TUT4: variants seen among roughly 807,000 people sequenced by gnomAD.
The protein encoded by TUT4 is terminal uridylyl transferase 4.
In TUT4, 36 loss-of-function variants were observed where a neutral mutation model predicts 192.2. The observed-to-expected ratio is 0.19, with a 90% CI of 0.14 to 0.25. TUT4 has a LOEUF of 0.25. TUT4 is among the 10% of genes least tolerant of loss of function. TUT4 has a pLI of 1.00. For synonymous variants in TUT4, 618 were observed against 666.0 expected (o/e 0.93, Z 1.11); for missense variants, 1,493 against 1,957.2 (o/e 0.76, Z 4.47).
intron 4 of TUT4, among the ~76,000 whole-genome samples, chr1:52,500,109 T>C (rs1673683785): frequency 6.7e-6 from 1 of 150,316 alleles, no homozygotes; most frequent in South Asian, 2.1e-4. Flanking sequence ...GCAACAGAGC[T>C]AGATTCTGCT....
intron 2 of TUT4, among the ~76,000 whole-genome samples, chr1:52,520,732 G>C (rs115909420): frequency 7.2e-5 from 11 of 151,840 alleles, no homozygotes; most frequent in Non-Finnish European, 1.6e-4. Context: ...TCCCTATGTC[G>C]TTCCTATTTC....
intron 20 of TUT4, among the ~76,000 whole-genome samples, chr1:52,447,695 G>A (rs1223373526): frequency 6.6e-6 from 1 of 152,144 alleles, no homozygotes; most frequent in East Asian, 1.9e-4. Context: ...CAATAAAGTA[G>A]GAAGGTGCAA....
chr1:52,475,809 A>C (rs1666928566), intron 12 of TUT4, among the ~76,000 whole-genome samples: 1 of 152,156 alleles, frequency 6.6e-6, no homozygotes, highest in Non-Finnish European at 1.5e-5. Flanking sequence ...AGGCCAACTA[A>C]GTAATTAGTT....
chr1:52,445,929 T>C, intron 23 of TUT4, 28 bp downstream of exon 23: 3 of 1,603,964 alleles, frequency 1.9e-6, no homozygotes, highest in Admixed American at 1.7e-5. Flanking sequence ...AGTTTTAAAA[T>C]CAGAGAATCT....
intron 4 of TUT4, among the ~76,000 whole-genome samples, chr1:52,505,193 C>A (rs1675199494): frequency 6.6e-6 from 1 of 152,080 alleles, no homozygotes; most frequent in Non-Finnish European, 1.5e-5. Flanking sequence ...TCATACCTGT[C>A]TTTTTTCCTA....
intron 9 of TUT4, among the ~76,000 whole-genome samples, chr1:52,485,509 C>T (rs1028867558): frequency 3.3e-5 from 5 of 152,120 alleles, no homozygotes; most frequent in Non-Finnish European, 7.4e-5. Flanking sequence ...CAATGGTGAA[C>T]TTCTCTGCAA....
chr1:52,529,102 T>C (rs984365562), intron 1 of TUT4, among the ~76,000 whole-genome samples: 4 of 152,148 alleles, frequency 2.6e-5, no homozygotes, highest in African/African-American at 9.7e-5. Flanking sequence ...TGTATTAGGT[T>C]CTTCTTTCTA....
At chr1:52,501,632 A>T (rs1674111133) in intron 4 of TUT4, among the ~76,000 whole-genome samples, 1 of 152,222 alleles carries the variant, frequency 6.6e-6, no homozygotes. Flanking sequence ...AAATGAAAAA[A>T]GGAACTCAAA....
At chr1:52,475,718 T>A (rs939476876) in intron 12 of TUT4, among the ~76,000 whole-genome samples, 183 bp from the exon 13 acceptor site, 5 of 152,182 alleles carry the variant, frequency 3.3e-5, no homozygotes, top group African/African-American at 1.2e-4. Flanking sequence ...AACATTTTTT[T>A]CTTTCTCTCA....
At chr1:52,490,083 T>C (rs1344659890) in intron 8 of TUT4, among the ~76,000 whole-genome samples, 1 of 151,658 alleles carries the variant, frequency 6.6e-6, no homozygotes, top group African/African-American at 2.4e-5. Context: ...ATCAACTCAT[T>C]CAATGTAAGT....
intron 13 of TUT4, among the ~76,000 whole-genome samples, chr1:52,474,203 G>A (rs1043895908): frequency 6.6e-6 from 1 of 152,172 alleles, no homozygotes; most frequent in Non-Finnish European, 1.5e-5. Flanking sequence ...GCCAGACCTT[G>A]TCTCAAAATA....
intron 1 of TUT4, among the ~76,000 whole-genome samples, chr1:52,544,308 G>A (rs573968602): frequency 6.6e-6 from 1 of 150,852 alleles, no homozygotes; most frequent in South Asian, 2.1e-4. Flanking sequence ...AAAAGCTACA[G>A]TAATCAAAAT....
In TUT4 at chr1:52,515,989, T is replaced by C; in HGVS notation, c.784A>G (p.Thr262Ala). The change falls in exon 3 of 30, where the codon ACT becomes GCT. Residue 262 changes from threonine (T) to alanine (A), a missense_variant. By Grantham distance (58) the Thr-to-Ala change is moderately conservative. This residue lies in a region of TUT4 where 437 missense variants were observed against 577.6 expected (regional missense o/e 0.76). Coordinates refer to ENST00000257177, the MANE Select transcript of TUT4 (RefSeq NM_001009881.3). ...GTCAATGCAGATTCATCTATCACAG[T>C]GGCATTTTCTAAGTAGTCCATCTCT... ...SSEMDYLENA[T>A]VIDESALTPE... 1 of 1,613,650 alleles carries C rather than the reference T, an allele frequency of 6.2e-7. No homozygotes were observed. Among genetic ancestry groups the C allele is most frequent in the Non-Finnish European group, 8.5e-7 (1 of 1,179,838 alleles).
At chr1:52,473,325 AAGTTCTGGAGATCTGTACAAAGT>A (rs1391121244) in intron 13 of TUT4, among the ~76,000 whole-genome samples, 3 of 152,138 alleles carry the variant, frequency 2.0e-5, no homozygotes, top group Admixed American at 6.5e-5. Flanking sequence ...CAAAATAAAT[AAGTTCTGGAGATCTGTACAAAGT>A]AGTTCTGGAG....
chr1:52,516,137 T>A, intron 2 of TUT4, 83 bp from the exon 3 acceptor site: 2 of 1,069,052 alleles, frequency 1.9e-6, no homozygotes, highest in Admixed American at 2.6e-5. Flanking sequence ...ATTAAATTTA[T>A]ACACAGAAAA....
In TUT4 at chr1:52,431,504, CTTAAT is replaced by C. The variant is rs758187334; in HGVS notation, c.4264-49_4264-45del. On this transcript the variant is annotated intron_variant, in intron 27 of 29. Coordinates refer to ENST00000257177, the MANE Select transcript of TUT4 (RefSeq NM_001009881.3). ...TTTTTTTTAATTAATTTATAAACAT[CTTAAT>C]TTTATAAAAGTAGAGATAAAATACA... 36 of 1,311,850 alleles carry C rather than the reference CTTAAT, an allele frequency of 2.7e-5. No homozygotes were observed. In the African/African-American group the frequency reaches 4.8e-4, roughly 17 times the overall value. 81.3% of individuals were successfully genotyped at this position (1,311,850 alleles called of 1,614,324 possible). A position where few individuals can be genotyped will look rare whatever the true frequency, so the allele number is the denominator to read the frequency against.
intron 1 of TUT4, among the ~76,000 whole-genome samples, chr1:52,540,627 T>G (rs183664961): frequency 5.9e-5 from 9 of 152,320 alleles, no homozygotes; most frequent in Admixed American, 5.9e-4. Flanking sequence ...AGTCTTGCAG[T>G]ATTTCCATTT....
Position 52,463,959 on chromosome 1 carries a change from C to G in TUT4, c.3069+1111G>C, listed in dbSNP as rs116090633. Among the ~76,000 whole-genome samples the G allele has an allele frequency of 2.1e-3, 321 of 152,224 alleles. 1 individual carries two copies. The highest frequency in any genetic ancestry group is 7.5e-3 in the African/African-American group (311 of 41,544). ...GCTACATTATGGGTTAAAAAAATTACAGAGAGGCAGTGAGATACAATGGAA... is the reference window on the plus strand; with the variant it reads ...GCTACATTATGGGTTAAAAAAATTAGAGAGAGGCAGTGAGATACAATGGAA... On this transcript the variant is annotated intron_variant, in intron 16 of 29. Coordinates refer to ENST00000257177, the MANE Select transcript of TUT4 (RefSeq NM_001009881.3).
chr1:52,460,512 A>G (rs1457973707), intron 19 of TUT4, among the ~76,000 whole-genome samples: 1 of 152,134 alleles, frequency 6.6e-6, no homozygotes, highest in African/African-American at 2.4e-5. Flanking sequence ...CAACAACAAT[A>G]GCCTTCCTAT....
Sources: allele counts gnomAD v4.1 joint callset (sites outside exome capture counted in the v4.1 genomes callset), GRCh38; gene constraint gnomAD v4.1.1; regional missense constraint gnomAD v4.1.1; transcripts MANE v1.5; gene names NCBI Gene and HGNC (gene_info 2026-07-23, HGNC 2026-07-21).